The following PRMT8 variants were observed in gnomAD, a reference collection of about 807,000 sequenced individuals.
PRMT8 encodes the protein protein arginine N-methyltransferase 8.
A neutral mutation model predicts 47.1 loss-of-function variants in PRMT8; 7 were observed. The observed-to-expected ratio is 0.15, with a 90% CI of 0.08 to 0.28. PRMT8 has a LOEUF of 0.28. Among genes scored for constraint, PRMT8 ranks in the 10% least tolerant of loss-of-function variants. PRMT8 has a pLI of 1.00. For missense variants in PRMT8, 237 were observed against 505.4 expected (o/e 0.47, Z 5.09); for synonymous variants, 188 against 186.5 (o/e 1.01, Z -0.07).
intron 1 of PRMT8, among the ~76,000 whole-genome samples, chr12:3,464,309 G>C (rs961603329): frequency 2.0e-5 from 3 of 150,300 alleles, no homozygotes; most frequent in African/African-American, 7.3e-5. Context: ...CACAAAGACA[G>C]TCAGGACCTT....
Position 3,526,168 on chromosome 12 carries a change from G to T in PRMT8, c.76-14438G>T, listed in dbSNP as rs144154964. Among the ~76,000 whole-genome samples, 843 of 152,074 alleles carry T rather than the reference G, an allele frequency of 5.5e-3. 3 individuals are homozygous for T. Among genetic ancestry groups the T allele is most frequent in the Middle Eastern group, 0.014 (4 of 294 alleles). ...ATTTCACTTAGCATATGTCCTCAAG[G>T]CTCATTCATTTGTAGCATATGTCAG... is the stretch of plus-strand genomic sequence containing the variant. On this transcript the variant is annotated intron_variant, in intron 1 of 9. Coordinates refer to ENST00000382622, the MANE Select transcript of PRMT8 (RefSeq NM_019854.5).
intron 4 of PRMT8, 121 bp from the exon 5 acceptor site, chr12:3,568,585 C>G (rs905714480): frequency 9.0e-7 from 1 of 1,111,506 alleles, no homozygotes; most frequent in African/African-American, 1.6e-5. Context: ...TGAGCTACAT[C>G]ATATCCTAAA....
chr12:3,562,318 A>G (rs1866650779), intron 4 of PRMT8, among the ~76,000 whole-genome samples: 1 of 152,104 alleles, frequency 6.6e-6, no homozygotes, highest in Non-Finnish European at 1.5e-5. Context: ...CTTCAAAGTG[A>G]GTTTCATGTA....
At chr12:3,396,596 G>A (rs1389345280) in intron 1 of PRMT8, among the ~76,000 whole-genome samples, 1 of 152,138 alleles carries the variant, frequency 6.6e-6, no homozygotes, top group Non-Finnish European at 1.5e-5. Flanking sequence ...TTAGTCTGAT[G>A]GGCTTCCCTT....
rs1341302819 is a variant in PRMT8 at position 3,492,649 on chromosome 12, G to A, written c.75+949G>A. On this transcript the variant is annotated intron_variant, in intron 1 of 9. Transcript: ENST00000382622. This position sits in a 1 kb window ranked among gnomAD's most constrained non-coding sequence, Gnocchi z 7.5. ...TGATCCCTCGCCTCCCTCTGACCCC[G>A]CTGTCATTACAACAACCGGACTATT... Among the ~76,000 whole-genome samples, 1 of 152,150 alleles carries A rather than the reference G, an allele frequency of 6.6e-6. No individual in the cohort carries two copies. The highest frequency in any genetic ancestry group is 2.4e-5 in the African/African-American group (1 of 41,438).
intron 1 of PRMT8, among the ~76,000 whole-genome samples, chr12:3,395,425 T>C (rs1246097057): frequency 3.3e-5 from 5 of 150,202 alleles, no homozygotes; most frequent in Non-Finnish European, 6.0e-5. Context: ...TTGTTCTTGT[T>C]GGTTTCAAAG....
chr12:3,506,694 C>T (rs1591574910), intron 1 of PRMT8, among the ~76,000 whole-genome samples: 1 of 152,108 alleles, frequency 6.6e-6, no homozygotes, highest in Non-Finnish European at 1.5e-5. Context: ...GGAATGGGGG[C>T]ACGGAAGAGA....
chr12:3,491,272 G>A lies in PRMT8; in HGVS notation c.-354G>A, dbSNP rs1449081431. Reference sequence around the variant, plus strand: ...GCCTCCGGCCGGCCGGACTTTGCGAGCAGCCTGGAGAGGATCCGCGACCGC... The same window carrying A: ...GCCTCCGGCCGGCCGGACTTTGCGAACAGCCTGGAGAGGATCCGCGACCGC... On this transcript the variant is annotated 5_prime_UTR_variant, in exon 1 of 10. Transcript: ENST00000382622. 2 of 1,047,906 alleles carry A rather than the reference G, an allele frequency of 1.9e-6. No homozygotes were observed. Among genetic ancestry groups the A allele is most frequent in the East Asian group, 7.5e-5 (1 of 13,282 alleles). 64.9% of individuals were successfully genotyped at this position (1,047,906 alleles called of 1,614,324 possible). A position where few individuals can be genotyped will look rare whatever the true frequency, so the allele number is the denominator to read the frequency against.
intron 1 of PRMT8, among the ~76,000 whole-genome samples, chr12:3,454,684 G>A (rs576436949): frequency 6.6e-6 from 1 of 152,234 alleles, no homozygotes; most frequent in Admixed American, 6.5e-5. Context: ...ACAAAAGGAA[G>A]GGGAGGAGTG....
In PRMT8 at chr12:3,493,638, G is replaced by A. The variant is rs1012042950; in HGVS notation, c.75+1938G>A. ...CCCAGCCTCGGCGAGGGTTAAAGGC[G>A]TCCGGAGCAGGCAGAGCGCCGCGCG... is the stretch of plus-strand genomic sequence containing the variant. On this transcript the variant is annotated intron_variant, in intron 1 of 9. Coordinates refer to ENST00000382622, the MANE Select transcript of PRMT8 (RefSeq NM_019854.5). This position sits in a 1 kb window ranked among gnomAD's most constrained non-coding sequence, Gnocchi z 8.2. 6.6e-6 allele frequency among the ~76,000 whole-genome samples: 1 copy of A among 152,196 alleles called. No individual in the cohort carries two copies. The highest frequency in any genetic ancestry group is 1.5e-5 in the Non-Finnish European group (1 of 68,040).
intron 1 of PRMT8, among the ~76,000 whole-genome samples, chr12:3,465,539 T>G (rs915079225): frequency 1.3e-5 from 2 of 151,824 alleles, no homozygotes; most frequent in African/African-American, 4.8e-5. Context: ...GAGTGGGCAA[T>G]TCTACTGGAA....
At chr12:3,549,086 A>G (rs1233696938) in intron 2 of PRMT8, among the ~76,000 whole-genome samples, 1 of 152,224 alleles carries the variant, frequency 6.6e-6, no homozygotes, top group East Asian at 1.9e-4. Context: ...CTTTGGTGAT[A>G]GAAATCAGAT....
chr12:3,392,509 G>C, intron 1 of PRMT8, among the ~76,000 whole-genome samples: 1 of 151,008 alleles, frequency 6.6e-6, no homozygotes, highest in Non-Finnish European at 1.5e-5. Flanking sequence ...ATGATTTCCA[G>C]TTTCATCCAT....
intron 1 of PRMT8, among the ~76,000 whole-genome samples, chr12:3,479,381 G>T (rs1395766127): frequency 2.0e-5 from 3 of 152,154 alleles, no homozygotes; most frequent in Non-Finnish European, 2.9e-5. Flanking sequence ...AAGGAGACTG[G>T]ACACTGTGCC....
chr12:3,593,010 G>A lies in PRMT8; in HGVS notation c.1102-89G>A. On this transcript the variant is annotated intron_variant, in intron 9 of 9. Coordinates refer to ENST00000382622, the MANE Select transcript of PRMT8 (RefSeq NM_019854.5). The surrounding 1 kb of genome is among the most constrained non-coding windows in gnomAD (Gnocchi z 4.8). ...AGACGCTGGTGCTACCCATCCCTGT[G>A]GTTCCAGGAGCAGGTGGTGCCAGAG... 2.0e-6 allele frequency: 2 copies of A among 1,000,154 alleles called. No individual in the cohort carries two copies. Among genetic ancestry groups the A allele is most frequent in the Non-Finnish European group, 1.6e-6 (1 of 636,134 alleles). 62.0% of individuals were successfully genotyped at this position (1,000,154 alleles called of 1,614,324 possible).
intron 1 of PRMT8, among the ~76,000 whole-genome samples, chr12:3,452,336 T>TAC (rs1864927943): frequency 6.5e-5 from 4 of 61,782 alleles, no homozygotes; most frequent in African/African-American, 1.5e-4. Flanking sequence ...CACACACACA[T>TAC]ACACACACAC....
At chr12:3,592,497 G>A (rs954753265) in intron 9 of PRMT8, 145 bp downstream of exon 9, 2 of 865,584 alleles carry the variant, frequency 2.3e-6, no homozygotes, top group East Asian at 3.1e-5. Context: ...ATGTGGACAT[G>A]ACTAGGCCTA....
chr12:3,544,791 G>C (rs1274010792), intron 2 of PRMT8, among the ~76,000 whole-genome samples: 2 of 152,210 alleles, frequency 1.3e-5, no homozygotes, highest in African/African-American at 2.4e-5. Flanking sequence ...TTGCGGTCAA[G>C]TGGTTAGGCA....
intron 1 of PRMT8, among the ~76,000 whole-genome samples, chr12:3,427,861 C>G (rs11503079): frequency 4.3e-4 from 66 of 152,142 alleles, no homozygotes; most frequent in African/African-American, 1.6e-3. Flanking sequence ...GATAATCATT[C>G]TTTTCCAAAG....
Sources: gnomAD v4.1 joint callset for allele counts (sites outside exome capture counted in the v4.1 genomes callset) on GRCh38, gnomAD v4.1.1 for gene constraint, Gnocchi (gnomAD v3.1) non-coding constraint, MANE v1.5 for transcripts, NCBI Gene and HGNC (gene_info 2026-07-23, HGNC 2026-07-21) for gene names.